The following PREX1 variants were observed in gnomAD, a reference collection of about 807,000 sequenced individuals.
The protein encoded by PREX1 is phosphatidylinositol-3,4,5-trisphosphate dependent Rac exchange factor 1.
Under a neutral mutation model 198.3 loss-of-function variants are expected in PREX1, and 41 were observed. The ratio of observed to expected loss-of-function variants is 0.21; its 90% CI spans 0.16 to 0.27. The LOEUF (loss-of-function observed/expected upper bound fraction) is 0.27. Ranked by LOEUF, PREX1 falls within the 10% of genes least tolerant of loss-of-function variation. The pLI is 1.00. For synonymous variants in PREX1, 843 were observed against 887.2 expected, an observed-to-expected ratio of 0.95 and a Z score of 0.89; for missense variants, 1,620 against 2,200.7, an observed-to-expected ratio of 0.74 and a Z score of 5.28.
At chr20:48,772,396 C>T (rs1568858685) in intron 1 of PREX1, among the ~76,000 whole-genome samples, 2 of 152,140 alleles carry the variant, frequency 1.3e-5, no homozygotes, top group Non-Finnish European at 2.9e-5. Context: ...TGAATCAGGC[C>T]GGCCCCTGTC....
At chr20:48,746,991 CACACACACACACACACACA>C (rs1568848675) in intron 2 of PREX1, among the ~76,000 whole-genome samples, 39 of 108,698 alleles carry the variant, frequency 3.6e-4, no homozygotes, top group South Asian at 5.3e-4. Flanking sequence ...CACACACACA[CACACACACACACACACACA>C]CCCCACCCCC....
At chr20:48,834,045 C>T in the PREX1 span, among the ~76,000 whole-genome samples, 1 of 151,496 alleles carries the variant, frequency 6.6e-6, no homozygotes, top group Admixed American at 6.6e-5. Context: ...GCCGAGATAG[C>T]GCCACTGCAT....
At chr20:48,806,697 C>G (rs2090413350) in intron 1 of PREX1, among the ~76,000 whole-genome samples, 1 of 152,230 alleles carries the variant, frequency 6.6e-6, no homozygotes, top group Admixed American at 6.5e-5. Context: ...ACCAGCGCCT[C>G]TCAGACTTTG....
rs182487035 is a variant in PREX1, at chr20:48,632,599, C to T, written c.4308G>A (p.Ala1436=). 37 of 1,613,864 alleles carry T rather than the reference C, an allele frequency of 2.3e-5. No individual in the cohort carries two copies. The highest frequency in any genetic ancestry group is 5.3e-5 in the African/African-American group (4 of 74,924). The change falls in exon 34 of 40, where the codon GCG becomes GCA. Residue 1436 remains alanine, a synonymous_variant. Coordinates refer to ENST00000371941, the MANE Select transcript of PREX1 (RefSeq NM_020820.4). ...VFYHIEGSRQ[A]LKVIFYLDSY... The stretch of plus-strand genomic sequence containing the variant: ...TGTCGAGGTAGAAGATGACCTTCAG[C>T]GCCTGCCGGCTGCCCTCAATGTGGT...
At chr20:48,638,793 C>T (rs555474833) in intron 30 of PREX1, among the ~76,000 whole-genome samples, 1 of 152,324 alleles carries the variant, frequency 6.6e-6, no homozygotes, top group Admixed American at 6.5e-5. Context: ...AAGGAGGCAG[C>T]ACTGTGGGCC....
At chr20:48,641,689 G>A (rs534975261) in intron 29 of PREX1, among the ~76,000 whole-genome samples, 145 of 152,022 alleles carry the variant, frequency 9.5e-4, no homozygotes, top group African/African-American at 3.4e-3. Flanking sequence ...CTACTTAGGA[G>A]GCTGAGTTGT....
intron 5 of PREX1, among the ~76,000 whole-genome samples, chr20:48,721,124 T>C (rs1243471945): frequency 6.6e-6 from 1 of 152,210 alleles, no homozygotes; most frequent in Non-Finnish European, 1.5e-5. Context: ...TCAGAAACAG[T>C]TGGCAAGAAG....
chr20:48,726,592 T>C (rs901180411), intron 4 of PREX1, among the ~76,000 whole-genome samples: 1 of 152,216 alleles, frequency 6.6e-6, no homozygotes, highest in Non-Finnish European at 1.5e-5. Context: ...CCCATTTTGG[T>C]AAGTTTTATT....
chr20:48,740,783 A>G (rs1402280256), intron 3 of PREX1, among the ~76,000 whole-genome samples: 3 of 152,220 alleles, frequency 2.0e-5, no homozygotes, highest in Non-Finnish European at 4.4e-5. Flanking sequence ...TCCTTTTTCA[A>G]TAGGTCCAGT....
chr20:48,837,780 C>T, the PREX1 span, among the ~76,000 whole-genome samples: 1 of 151,532 alleles, frequency 6.6e-6, no homozygotes, highest in Non-Finnish European at 1.5e-5. Context: ...CACAAGTCTA[C>T]CTGTATAACA....
intron 3 of PREX1, among the ~76,000 whole-genome samples, chr20:48,738,911 G>A (rs761010129): frequency 2.5e-4 from 38 of 152,104 alleles, no homozygotes; most frequent in Admixed American, 2.3e-3. Context: ...GGGGAGGAGA[G>A]AAGTGAGAAT....
chr20:48,756,447 T>A (rs1348004919), intron 1 of PREX1, among the ~76,000 whole-genome samples: 1 of 150,458 alleles, frequency 6.6e-6, no homozygotes, highest in East Asian at 1.9e-4. Context: ...AGACATACTC[T>A]GAGAGGACTG....
upstream of PREX1, among the ~76,000 whole-genome samples, chr20:48,828,321 C>A (rs187761719): frequency 6.9e-6 from 1 of 144,618 alleles, no homozygotes. Flanking sequence ...ACGCGTGGCG[C>A]CCCCCCAACC....
At chr20:48,801,025 AACC>A (rs2090384286) in intron 1 of PREX1, among the ~76,000 whole-genome samples, 1 of 152,196 alleles carries the variant, frequency 6.6e-6, no homozygotes, top group African/African-American at 2.4e-5. Context: ...CTAGCTGGGT[AACC>A]TTTGGAGAGT....
chr20:48,835,369 C>A, the PREX1 span, among the ~76,000 whole-genome samples: 1 of 152,186 alleles, frequency 6.6e-6, no homozygotes, highest in Admixed American at 6.5e-5. Context: ...CTGTTGCTTA[C>A]GTTCTAGGGA....
chr20:48,827,426 G>T lies in PREX1; in HGVS notation c.219+216C>A, dbSNP rs889293851. 6.6e-6 allele frequency among the ~76,000 whole-genome samples: 1 copy of T among 152,174 alleles called. No individual in the cohort carries two copies. The highest frequency in any genetic ancestry group is 1.5e-5 in the Non-Finnish European group (1 of 68,010). On this transcript the variant is annotated intron_variant, in intron 1 of 39. Coordinates refer to ENST00000371941, the MANE Select transcript of PREX1 (RefSeq NM_020820.4). This position sits in a 1 kb window ranked among gnomAD's most constrained non-coding sequence, Gnocchi z 4.1. ...CGCGCCGCGGGGAAGTGGAGTGCGG[G>T]AGAGCCCCGGTCGGAGCAGGACCGT...
intron 25 of PREX1, among the ~76,000 whole-genome samples, chr20:48,648,507 G>A (rs778235937): frequency 6.6e-6 from 1 of 152,170 alleles, no homozygotes; most frequent in Non-Finnish European, 1.5e-5. Context: ...TGTCAAGGGT[G>A]AGAGACACTG....
intron 1 of PREX1, among the ~76,000 whole-genome samples, chr20:48,817,379 G>A (rs570232882): frequency 6.6e-6 from 1 of 152,294 alleles, no homozygotes; most frequent in South Asian, 2.1e-4. Context: ...TGTTCAAGAT[G>A]ATATGCTGTA....
chr20:48,678,343 C>T (rs371534230), intron 13 of PREX1, among the ~76,000 whole-genome samples: 133 of 151,706 alleles, frequency 8.8e-4, no homozygotes, highest in East Asian at 5.8e-4. Context: ...TGGTGGTGCA[C>T]GCCTGTAGTC....
Sources: gnomAD v4.1 joint callset for allele counts (sites outside exome capture counted in the v4.1 genomes callset) on GRCh38, gnomAD v4.1.1 for gene constraint, Gnocchi (gnomAD v3.1) non-coding constraint, MANE v1.5 for transcripts, NCBI Gene and HGNC (gene_info 2026-07-23, HGNC 2026-07-21) for gene names.